The following HS3ST5 variants were observed in gnomAD, a reference collection of about 807,000 sequenced individuals.
The protein encoded by HS3ST5 is heparan sulfate glucosamine 3-O-sulfotransferase 5.
A neutral mutation model predicts 25.4 loss-of-function variants in HS3ST5; 10 were observed. The observed-to-expected ratio is 0.39, with a 90% CI of 0.24 to 0.67. The LOEUF is 0.67. HS3ST5 is among the 30% of genes least tolerant of loss of function. The probability of loss-of-function intolerance (pLI) is 0.44; values close to 1 mark genes in which losing one functional copy is unlikely to be tolerated. For synonymous variants in HS3ST5, 170 were observed against 162.4 expected (o/e 1.05, Z -0.36); for missense variants, 324 against 420.7 (o/e 0.77, Z 2.01).
chr6:114,142,112 A>G (rs565099790), intron 3 of HS3ST5, among the ~76,000 whole-genome samples: 2 of 150,766 alleles, frequency 1.3e-5, no homozygotes, highest in Admixed American at 6.6e-5. Flanking sequence ...AAATTTTTCC[A>G]TTTGTGTACT....
At chr6:114,180,290 C>G (rs1363532268) in intron 2 of HS3ST5, among the ~76,000 whole-genome samples, 1 of 152,116 alleles carries the variant, frequency 6.6e-6, no homozygotes, top group Admixed American at 6.6e-5. Flanking sequence ...CTTCAACACT[C>G]CTATCTCCCA....
At chr6:114,319,306 A>G (rs748195887) in intron 1 of HS3ST5, among the ~76,000 whole-genome samples, 16 of 152,316 alleles carry the variant, frequency 1.1e-4, no homozygotes, top group Admixed American at 4.6e-4. Context: ...ATTCAAAGAT[A>G]TTACTCCTGG....
intron 4 of HS3ST5, 86 bp from the exon 5 acceptor site, chr6:114,058,276 C>A (rs1772893939): frequency 1.1e-5 from 11 of 990,638 alleles, no homozygotes; most frequent in Non-Finnish European, 1.2e-5. Flanking sequence ...ACTTTAAATG[C>A]ATAAATAAAG....
At chr6:114,189,159 T>C (rs950814847) in intron 2 of HS3ST5, among the ~76,000 whole-genome samples, 1 of 152,156 alleles carries the variant, frequency 6.6e-6, no homozygotes, top group East Asian at 1.9e-4. Flanking sequence ...ATGTCTACCT[T>C]CTGAAATGAT....
intron 3 of HS3ST5, among the ~76,000 whole-genome samples, chr6:114,160,059 CTG>C (rs1254178519): frequency 6.6e-6 from 1 of 152,036 alleles, no homozygotes; most frequent in African/African-American, 2.4e-5. Flanking sequence ...TTTTTAAAAA[CTG>C]TAGGAATAAA....
intron 1 of HS3ST5, among the ~76,000 whole-genome samples, chr6:114,318,728 A>G (rs1272541547): frequency 6.6e-6 from 1 of 152,106 alleles, no homozygotes; most frequent in Non-Finnish European, 1.5e-5. Context: ...ACCTCTCACT[A>G]CCTACAAGAT....
chr6:114,329,457 T>C (rs1192495733), intron 1 of HS3ST5, among the ~76,000 whole-genome samples: 2 of 152,152 alleles, frequency 1.3e-5, no homozygotes, highest in African/African-American at 2.4e-5. Context: ...GGGATTGGCA[T>C]TGGGACTGCC....
chr6:114,122,942 TTTTG>T lies in HS3ST5; in HGVS notation c.-33+45405_-33+45408del, dbSNP rs551616098. 1.6e-3 allele frequency among the ~76,000 whole-genome samples: 238 copies of T among 152,198 alleles called. 1 individual carries two copies. Among genetic ancestry groups the T allele is most frequent in the East Asian group, 9.5e-3 (49 of 5,178 alleles). ...AATGTCAAGTGTATATACAGATAGT[TTTTG>T]TTTGTTTGTTTGTTTGTTTGTTTGA... On this transcript the variant is annotated intron_variant, in intron 3 of 4. Transcript: ENST00000312719.
intron 3 of HS3ST5, among the ~76,000 whole-genome samples, chr6:114,086,432 C>T (rs552765168): frequency 2.6e-5 from 4 of 152,204 alleles, no homozygotes; most frequent in East Asian, 1.9e-4. Flanking sequence ...GCAAGAAAAC[C>T]GGGACCTCAT....
At chr6:114,161,550 T>C (rs1258290800) in intron 3 of HS3ST5, among the ~76,000 whole-genome samples, 6 of 89,392 alleles carry the variant, frequency 6.7e-5, no homozygotes, top group Non-Finnish European at 1.2e-4. Context: ...TATATATATA[T>C]ATATATATAT....
At chr6:114,122,904 TTTCTC>T (rs563505164) in intron 3 of HS3ST5, among the ~76,000 whole-genome samples, 120 of 152,292 alleles carry the variant, frequency 7.9e-4, no homozygotes, top group African/African-American at 2.5e-3. Flanking sequence ...AGTGAAAACT[TTTCTC>T]TTATTTCAAT....
chr6:114,224,365 A>G (rs1297202491), intron 2 of HS3ST5, among the ~76,000 whole-genome samples: 2 of 151,560 alleles, frequency 1.3e-5, no homozygotes, highest in Non-Finnish European at 3.0e-5. Context: ...GGTAACTTCA[A>G]AATATAAATT....
chr6:114,254,362 C>T (rs923712691), intron 1 of HS3ST5, among the ~76,000 whole-genome samples: 1 of 152,220 alleles, frequency 6.6e-6, no homozygotes, highest in Non-Finnish European at 1.5e-5. Flanking sequence ...ATAATCTGTT[C>T]TGGACACTTG....
rs1299736756 is a variant in HS3ST5, at chr6:114,058,127, T to C, written c.171A>G (p.Pro57=). The change falls in exon 5 of 5, where the codon CCA becomes CCG. Residue 57 remains proline, a synonymous_variant. Transcript: ENST00000312719. ...CACGCTTAAACTGCAGGGCGCGAAG[T>C]GGGAATTCAGCCTGAGTGCGGGCTC... ...LGGARTQAEF[P]LRALQFKRGL... is the part of the protein sequence containing the mutation. 3 of 1,613,750 alleles carry C rather than the reference T, an allele frequency of 1.9e-6. No individual in the cohort carries two copies. The South Asian group carries it at 3.3e-5, about 18-fold the overall frequency.
At chr6:114,263,756 G>A (rs1215837098) in intron 1 of HS3ST5, among the ~76,000 whole-genome samples, 1 of 152,168 alleles carries the variant, frequency 6.6e-6, no homozygotes, top group Non-Finnish European at 1.5e-5. Flanking sequence ...AGCATCTCTG[G>A]TCTCCTTTCA....
chr6:114,211,601 C>T (rs568763014), intron 2 of HS3ST5, among the ~76,000 whole-genome samples: 10 of 152,070 alleles, frequency 6.6e-5, no homozygotes, highest in Non-Finnish European at 1.3e-4. Context: ...ATGCCATATT[C>T]TATTAATATA....
At chr6:114,103,434 T>C (rs1302139558) in intron 3 of HS3ST5, among the ~76,000 whole-genome samples, 1 of 152,112 alleles carries the variant, frequency 6.6e-6, no homozygotes, top group Non-Finnish European at 1.5e-5. Context: ...AATGAGTTGA[T>C]TTAAGAAAAA....
At chr6:114,306,238 C>CACATAT (rs1775282847) in intron 1 of HS3ST5, among the ~76,000 whole-genome samples, 1 of 111,524 alleles carries the variant, frequency 9.0e-6, no homozygotes, top group South Asian at 3.0e-4. Context: ...ATGAAATATA[C>CACATAT]ATATATATAT....
chr6:114,163,444 A>T (rs1779066693), intron 3 of HS3ST5, among the ~76,000 whole-genome samples: 1 of 152,166 alleles, frequency 6.6e-6, no homozygotes, highest in Non-Finnish European at 1.5e-5. Flanking sequence ...CAGAGTCTTT[A>T]TTGTATAAAT....
Sources: gnomAD v4.1 joint callset for allele counts (sites outside exome capture counted in the v4.1 genomes callset) on GRCh38, gnomAD v4.1.1 for gene constraint, MANE v1.5 for transcripts, NCBI Gene and HGNC (gene_info 2026-07-23, HGNC 2026-07-21) for gene names.